HEXB: variants seen among roughly 807,000 people sequenced by gnomAD.
The protein encoded by HEXB is hexosaminidase subunit beta.
HEXB carries 51 observed loss-of-function variants against 71.2 expected under a neutral mutation model. The observed-to-expected ratio is 0.72, with a 90% CI of 0.57 to 0.90. The LOEUF (loss-of-function observed/expected upper bound fraction) is 0.90, where lower values mean the gene tolerates loss of function less well. Among genes scored for constraint, HEXB ranks in the 40% least tolerant of loss-of-function variants. HEXB has a pLI of 0.00. For synonymous variants in HEXB, 266 were observed against 249.3 expected (o/e 1.07, Z -0.63); for missense variants, 617 against 677.0 (o/e 0.91, Z 0.98).
intron 6 of HEXB, among the ~76,000 whole-genome samples, chr5:74,710,602 A>C (rs1749516296): frequency 6.6e-6 from 1 of 152,228 alleles, no homozygotes; most frequent in Non-Finnish European, 1.5e-5. Context: ...TCAGGATACA[A>C]AATCAATGTG....
At chr5:74,667,907 A>G (rs1748462618) in intron 1 of HEXB, among the ~76,000 whole-genome samples, 1 of 152,180 alleles carries the variant, frequency 6.6e-6, no homozygotes, top group East Asian at 1.9e-4. Context: ...CCATCACCCC[A>G]TCACACTGTC....
chr5:74,716,270 C>T (rs769194882), intron 8 of HEXB, among the ~76,000 whole-genome samples: 1 of 151,960 alleles, frequency 6.6e-6, no homozygotes, highest in African/African-American at 2.4e-5. Flanking sequence ...ATGAGAACAC[C>T]TTTAGTGAAA....
At chr5:74,719,533 C>G (rs575715279) in intron 11 of HEXB, among the ~76,000 whole-genome samples, 50 of 152,212 alleles carry the variant, frequency 3.3e-4, no homozygotes, top group African/African-American at 1.1e-3. Context: ...TGAAAAATCA[C>G]TGAAAAAGGA....
chr5:74,712,431 A>G (rs1231957807), intron 6 of HEXB, among the ~76,000 whole-genome samples: 2 of 145,274 alleles, frequency 1.4e-5, no homozygotes, highest in East Asian at 2.0e-4. Flanking sequence ...AAAGTATGAT[A>G]ATAATAAAAA....
chr5:74,656,286 C>T (rs1320488171), intron 1 of HEXB, among the ~76,000 whole-genome samples: 1 of 152,014 alleles, frequency 6.6e-6, no homozygotes, highest in African/African-American at 2.4e-5. Context: ...CGAGACCAGC[C>T]TGGCCAACAT....
intron 6 of HEXB, chr5:74,706,195 A>C (rs1451007534): frequency 6.6e-6 from 1 of 152,286 alleles, no homozygotes; most frequent in Non-Finnish European, 1.5e-5. Flanking sequence ...AAAATCCATC[A>C]TTGTATCTCA....
At chr5:74,697,218 C>T in intron 5 of HEXB, 112 bp downstream of exon 5, 1 of 692,470 alleles carries the variant, frequency 1.4e-6, no homozygotes, top group East Asian at 2.7e-5. Context: ...TTTGTATAAG[C>T]ACTGGGCATT....
chr5:74,687,001 A>G (rs1748890000), intron 1 of HEXB, among the ~76,000 whole-genome samples: 1 of 152,258 alleles, frequency 6.6e-6, no homozygotes, highest in Admixed American at 6.5e-5. Flanking sequence ...TAAGTTAACA[A>G]TAGGTAGATA....
Position 74,698,304 on chromosome 5 carries a change from C to G in HEXB, c.669+1198C>G, listed in dbSNP as rs189219520. ...GTTGAGGCTGGTCTCGAACTCCTGA[C>G]CTCAGGTGATCCACCTGCCTTGGCC... is the stretch of plus-strand genomic sequence containing the variant. On this transcript the variant is annotated intron_variant, in intron 5 of 13. Transcript: ENST00000261416. Among the ~76,000 whole-genome samples, 398 of 151,876 alleles carry G rather than the reference C, an allele frequency of 2.6e-3. 4 individuals carry two copies. Among genetic ancestry groups the G allele is most frequent in the African/African-American group, 9.2e-3 (381 of 41,454 alleles).
chr5:74,658,547 G>A (rs1203647831), intron 1 of HEXB, among the ~76,000 whole-genome samples: 1 of 151,896 alleles, frequency 6.6e-6, no homozygotes, highest in African/African-American at 2.4e-5. Context: ...TCAGCTAGGT[G>A]GGCAATCAAT....
intron 1 of HEXB, among the ~76,000 whole-genome samples, chr5:74,675,365 C>G (rs1047965010): frequency 6.6e-6 from 1 of 152,084 alleles, no homozygotes; most frequent in Non-Finnish European, 1.5e-5. Flanking sequence ...GGGCCAAAGT[C>G]GAAGTCTAGT....
intron 1 of HEXB, among the ~76,000 whole-genome samples, chr5:74,662,164 C>G (rs1026953592): frequency 1.3e-5 from 2 of 148,736 alleles, no homozygotes; most frequent in Admixed American, 6.7e-5. Flanking sequence ...TGATTTTAAG[C>G]TTTTTTTTTT....
intron 1 of HEXB, among the ~76,000 whole-genome samples, chr5:74,659,796 G>A (rs1748286250): frequency 6.6e-6 from 1 of 152,154 alleles, no homozygotes; most frequent in African/African-American, 2.4e-5. Context: ...TTCAACCCAG[G>A]AAATTGAATT....
intron 2 of HEXB, 49 bp downstream of exon 2, chr5:74,689,522 C>A: frequency 6.4e-7 from 1 of 1,552,196 alleles, no homozygotes; most frequent in Non-Finnish European, 8.9e-7. Flanking sequence ...TGCTCGCTGA[C>A]GGACTTAAGT....
intron 1 of HEXB, among the ~76,000 whole-genome samples, chr5:74,655,485 T>C (rs770513623): frequency 2.4e-3 from 200 of 83,956 alleles, no homozygotes; most frequent in Non-Finnish European, 3.7e-3. Context: ...GCTAAGTTTG[T>C]TTTTTTGTTT....
chr5:74,640,399 G>A (rs1176167091), exon 1 of HEXB: 2 of 152,340 alleles, frequency 1.3e-5, no homozygotes, highest in African/African-American at 4.8e-5. Flanking sequence ...CAGGGAAGCG[G>A]TGGCGAATGC....
intron 1 of HEXB, among the ~76,000 whole-genome samples, chr5:74,677,490 CTTTTTTTTTT>C (rs566302720): frequency 1.3e-5 from 1 of 77,290 alleles, no homozygotes; most frequent in East Asian, 4.8e-4. Flanking sequence ...TCTTCTTCTT[CTTTTTTTTTT>C]TTTTTTTTTT....
intron 2 of HEXB, among the ~76,000 whole-genome samples, chr5:74,690,001 AT>A (rs1247185697): frequency 3.3e-5 from 1 of 30,410 alleles, no homozygotes; most frequent in Admixed American, 2.1e-4. Context: ...CATCTAGGTA[AT>A]TTCTTAACTT....
At chr5:74,679,777 T>C (rs1387492109) in intron 1 of HEXB, among the ~76,000 whole-genome samples, 2 of 114,934 alleles carry the variant, frequency 1.7e-5, no homozygotes, top group African/African-American at 6.8e-5. Flanking sequence ...TCCAGCCTGG[T>C]GACAGCGCGA....
Sources: gnomAD v4.1 joint callset for allele counts (sites outside exome capture counted in the v4.1 genomes callset) on GRCh38, gnomAD v4.1.1 for gene constraint, MANE v1.5 for transcripts, NCBI Gene and HGNC (gene_info 2026-07-23, HGNC 2026-07-21) for gene names.